The following TSC22D3 variants were observed in gnomAD, a reference collection of about 807,000 sequenced individuals.
The protein encoded by TSC22D3 is TSC22 domain family protein 3.
TSC22D3 carries 4 observed loss-of-function variants against 11.1 expected under a neutral mutation model. That is an observed-to-expected ratio of 0.36 (90% confidence interval 0.18 to 0.83). TSC22D3 has a LOEUF of 0.83. Ranked by LOEUF, TSC22D3 falls within the 40% of genes least tolerant of loss-of-function variation. The pLI is 0.48. For missense variants in TSC22D3, 118 were observed against 159.4 expected, an observed-to-expected ratio of 0.74 and a Z score of 1.40; for synonymous variants, 77 against 70.3, an observed-to-expected ratio of 1.10 and a Z score of -0.48.
intron 1 of TSC22D3, among the ~76,000 whole-genome samples, chrX:107,773,065 C>T (rs761081377): frequency 8.9e-6 from 1 of 111,806 alleles, no homozygotes; most frequent in Non-Finnish European, 1.9e-5. Flanking sequence ...ATTTGCGCTT[C>T]TCCCTCAACC....
intron 1 of TSC22D3, among the ~76,000 whole-genome samples, chrX:107,746,409 C>A: frequency 9.0e-6 from 1 of 111,022 alleles, no homozygotes; most frequent in Non-Finnish European, 1.9e-5. Context: ...GACAGACAGA[C>A]ACACACACAC....
chrX:107,733,584 T>G (rs1325207360), intron 1 of TSC22D3, among the ~76,000 whole-genome samples: 4 of 108,651 alleles, frequency 3.7e-5, no homozygotes, highest in Admixed American at 9.8e-5. Flanking sequence ...TCCTGTCCCC[T>G]CAAGCCTTCC....
At chrX:107,774,525 G>A (rs1377716243) in intron 1 of TSC22D3, among the ~76,000 whole-genome samples, 6 of 111,178 alleles carry the variant, frequency 5.4e-5, no homozygotes, top group Non-Finnish European at 9.4e-5. Flanking sequence ...TGGAGGAGGC[G>A]AATCCCTCCC....
upstream of TSC22D3, chrX:107,775,860 C>T (rs1431199161): frequency 8.6e-6 from 1 of 116,625 alleles, no homozygotes; most frequent in Non-Finnish European, 1.8e-5. Context: ...TTGCTCCCTC[C>T]CTCCCCGGTT....
chrX:107,743,551 C>T (rs1761853124), intron 1 of TSC22D3, among the ~76,000 whole-genome samples: 1 of 112,155 alleles, frequency 8.9e-6, no homozygotes, highest in Non-Finnish European at 1.9e-5. Context: ...AGCAGTAGTC[C>T]TGGCTCCAGA....
At chrX:107,771,666 T>A (rs1929911479) in intron 1 of TSC22D3, among the ~76,000 whole-genome samples, 2 of 112,979 alleles carry the variant, frequency 1.8e-5, no homozygotes, top group Admixed American at 1.9e-4. Flanking sequence ...ATTATGCAGG[T>A]ACATTGTGAA....
chrX:107,721,164 C>T (rs1344172709), intron 1 of TSC22D3, among the ~76,000 whole-genome samples: 2 of 111,965 alleles, frequency 1.8e-5, no homozygotes, highest in Non-Finnish European at 3.8e-5. Context: ...ACATGGCTGA[C>T]CCTACCTTTC....
chrX:107,716,513 C>G (rs1175811119), intron 1 of TSC22D3: 7 of 1,020,950 alleles, frequency 6.9e-6, no homozygotes, highest in Non-Finnish European at 8.7e-6. Flanking sequence ...GATGACGGAT[C>G]CCAGAGCGGC....
chrX:107,746,407 G>GAC (rs1001059358), intron 1 of TSC22D3, among the ~76,000 whole-genome samples: 3 of 110,548 alleles, frequency 2.7e-5, no homozygotes, highest in East Asian at 2.8e-4. Context: ...AAGACAGACA[G>GAC]ACACACACAC....
At chrX:107,724,129 C>T (rs777234842) in intron 1 of TSC22D3, among the ~76,000 whole-genome samples, 1 of 112,788 alleles carries the variant, frequency 8.9e-6, no homozygotes, top group South Asian at 3.6e-4. Flanking sequence ...AAGAGGGGCT[C>T]TGCAGATTGC....
At position 107,775,506 on chromosome X, in the gene TSC22D3, G is replaced by A. The variant is rs1930097954; in HGVS notation, c.-87C>T. 1.3e-6 allele frequency: 1 copy of A among 763,454 alleles called. No individual in the cohort carries two copies. Among genetic ancestry groups the A allele is most frequent in the Non-Finnish European group, 1.8e-6 (1 of 545,236 alleles). 62.9% of individuals were successfully genotyped at this position (763,454 alleles called of 1,213,427 possible). On this transcript the variant is annotated 5_prime_UTR_variant, in exon 1 of 3. Transcript: ENST00000372383. Reference sequence around the variant, plus strand: ...ACCGAGCTGGCCTGAGGGGACTCCAGGGTGCCTGGAAAAGACAAGCTGTGA... The same window carrying A: ...ACCGAGCTGGCCTGAGGGGACTCCAAGGTGCCTGGAAAAGACAAGCTGTGA...
intron 1 of TSC22D3, among the ~76,000 whole-genome samples, chrX:107,758,783 A>G (rs1929291935): frequency 8.9e-6 from 1 of 112,302 alleles, no homozygotes; most frequent in South Asian, 3.7e-4. Context: ...TCACTGGGAG[A>G]CATGTGGTTA....
intron 1 of TSC22D3, among the ~76,000 whole-genome samples, chrX:107,771,666 T>C (rs1929911479): frequency 8.9e-6 from 1 of 112,979 alleles, no homozygotes; most frequent in African/African-American, 3.2e-5. Context: ...ATTATGCAGG[T>C]ACATTGTGAA....
intron 1 of TSC22D3, among the ~76,000 whole-genome samples, chrX:107,756,063 C>T (rs949923843): frequency 9.0e-6 from 1 of 111,725 alleles, no homozygotes; most frequent in East Asian, 2.8e-4. Flanking sequence ...GGACTTCAAG[C>T]TAGGTATACA....
At chrX:107,748,043 T>C (rs58465141) in intron 1 of TSC22D3, among the ~76,000 whole-genome samples, 2,699 of 111,595 alleles carry the variant, frequency 0.024, 75 homozygotes, top group African/African-American at 0.083. Context: ...GTTCACCAGA[T>C]AGGCATTCCA....
rs149433010 is a variant in TSC22D3, at chrX:107,723,633, T to C, written c.321-7683A>G. The stretch of plus-strand genomic sequence containing the variant: ...AAGACTATGCCACTCTCCACATTTA[T>C]GTGTCTGCACCAGCCCTCCACCAGT... On this transcript the variant is annotated intron_variant, in intron 1 of 2. Transcript: ENST00000372383. Among the ~76,000 whole-genome samples, 378 of 112,828 alleles carry C rather than the reference T, an allele frequency of 3.4e-3. 2 individuals carry two copies. Among genetic ancestry groups the C allele is most frequent in the African/African-American group, 0.012 (362 of 31,102 alleles).
At chrX:107,752,675 TTG>T (rs1928985249) in intron 1 of TSC22D3, among the ~76,000 whole-genome samples, 1 of 111,282 alleles carries the variant, frequency 9.0e-6, no homozygotes, top group African/African-American at 3.3e-5. Context: ...TGGAGTCCCT[TTG>T]CGTTGGAGAG....
At chrX:107,727,294 C>T (rs747326093) in intron 1 of TSC22D3, among the ~76,000 whole-genome samples, 8 of 111,944 alleles carry the variant, frequency 7.1e-5, no homozygotes, top group Admixed American at 5.7e-4. Flanking sequence ...CCATTTTAAA[C>T]GAACGTGTTC....
chrX:107,743,272 A>AC (rs752458569), intron 1 of TSC22D3, among the ~76,000 whole-genome samples: 1 of 110,457 alleles, frequency 9.1e-6, no homozygotes, highest in South Asian at 3.9e-4. Context: ...AACCCCCCAT[A>AC]CCCCCAACAA....
Sources: allele counts gnomAD v4.1 joint callset (sites outside exome capture counted in the v4.1 genomes callset), GRCh38; gene constraint gnomAD v4.1.1; transcripts MANE v1.5; gene names NCBI Gene and HGNC (gene_info 2026-07-23, HGNC 2026-07-21).